COL24A1: variants seen among roughly 807,000 people sequenced by gnomAD.
The protein encoded by COL24A1 is collagen alpha-1(XXIV) chain.
Under a neutral mutation model 253.9 loss-of-function variants are expected in COL24A1, and 224 were observed. The observed-to-expected ratio is 0.88, with a 90% confidence interval of 0.79 to 0.99. The LOEUF (loss-of-function observed/expected upper bound fraction) is 0.99. Among genes scored for constraint, COL24A1 ranks in the 50% least tolerant of loss-of-function variants. The pLI, the probability that COL24A1 is intolerant of heterozygous loss-of-function variation, is 0.00. For synonymous variants in COL24A1, 685 were observed against 673.7 expected, an observed-to-expected ratio of 1.02 and a Z score of -0.26; for missense variants, 2,131 against 2,068.5, an observed-to-expected ratio of 1.03 and a Z score of -0.59.
chr1:86,154,239 AT>A (rs1653180114), intron 1 of COL24A1: 1 of 151,908 alleles, frequency 6.6e-6, no homozygotes, highest in African/African-American at 2.4e-5. Flanking sequence ...TCTAGAAACA[AT>A]TTTTTCAGTC....
At chr1:86,140,071 C>A (rs1372936191) in intron 2 of COL24A1, among the ~76,000 whole-genome samples, 4 of 151,976 alleles carry the variant, frequency 2.6e-5, no homozygotes, top group Admixed American at 6.6e-5. Flanking sequence ...TGGAGTATTC[C>A]CCTTCTTCTA....
In COL24A1 at chr1:85,842,405, A is replaced by G; in HGVS notation, c.3463-12T>C. On this transcript the variant is annotated splice_polypyrimidine_tract_variant and intron_variant, in intron 39 of 59. Transcript: ENST00000370571. ...AATCCTAAATGTCCCTGAAAAACAA[A>G]GTAAATATTAGTGAGAGAGAGAAAG... 1 of 1,547,530 alleles carries G rather than the reference A, an allele frequency of 6.5e-7. No individual in the cohort carries two copies. The highest frequency in any genetic ancestry group is 8.9e-7 in the Non-Finnish European group (1 of 1,128,400).
At chr1:85,896,212 A>G (rs1683696309) in intron 29 of COL24A1, 144 bp downstream of exon 29, 1 of 1,174,324 alleles carries the variant, frequency 8.5e-7, no homozygotes, top group African/African-American at 1.6e-5. Context: ...CCTGTGTAGT[A>G]AAAACTTTAT....
Position 86,057,924 on chromosome 1 carries a change from T to C in COL24A1, c.1851+7A>G. On this transcript the variant is annotated splice_region_variant and intron_variant, in intron 10 of 59. Coordinates refer to ENST00000370571, the MANE Select transcript of COL24A1 (RefSeq NM_152890.7). Reference sequence around the variant, plus strand: ...TGCTTAACAGAATGATGGAAATGCCTACTTACTTGTGCACCTTTAGGACCT... The same window carrying C: ...TGCTTAACAGAATGATGGAAATGCCCACTTACTTGTGCACCTTTAGGACCT... 1.2e-6 allele frequency: 2 copies of C among 1,611,990 alleles called. No homozygotes were observed. The highest frequency in any genetic ancestry group is 1.7e-6 in the Non-Finnish European group (2 of 1,178,922).
At chr1:86,134,233 T>A (rs1649827272) in intron 2 of COL24A1, among the ~76,000 whole-genome samples, 1 of 149,424 alleles carries the variant, frequency 6.7e-6, no homozygotes. Flanking sequence ...ATTTGATTCT[T>A]CTCTGTTTTC....
chr1:86,094,080 G>T (rs1417712819), intron 5 of COL24A1, among the ~76,000 whole-genome samples: 1 of 152,134 alleles, frequency 6.6e-6, no homozygotes, highest in African/African-American at 2.4e-5. Flanking sequence ...AGACAGTGTG[G>T]CAATTCCTCA....
chr1:85,734,530 A>C (rs2100812221), intron 59 of COL24A1, among the ~76,000 whole-genome samples: 1 of 152,322 alleles, frequency 6.6e-6, no homozygotes, highest in South Asian at 2.1e-4. Context: ...TTTGCATGCA[A>C]AAATCTAAGA....
At chr1:85,983,575 T>C (rs1693448012) in intron 20 of COL24A1, among the ~76,000 whole-genome samples, 1 of 151,920 alleles carries the variant, frequency 6.6e-6, no homozygotes, top group South Asian at 2.1e-4. Flanking sequence ...ACAGTGCACA[T>C]GATTTTCTCG....
At chr1:85,804,196 A>C (rs1671719859) in intron 47 of COL24A1, among the ~76,000 whole-genome samples, 1 of 152,208 alleles carries the variant, frequency 6.6e-6, no homozygotes, top group African/African-American at 2.4e-5. Flanking sequence ...GCAAAATACA[A>C]AAATGATGAA....
rs1553243167 is a variant in COL24A1, at chr1:85,960,917, A to ATAAG, written c.2562+331_2562+332insCTTA. The ATAAG allele has an allele frequency of 1.1e-3, 153 of 143,994 alleles. 1 individual carries two copies. The highest frequency in any genetic ancestry group is 4.1e-3 in the African/African-American group (145 of 35,152). 8.9% of individuals were successfully genotyped at this position (143,994 alleles called of 1,614,324 possible). ...AATAAATAAATAAATAAATAAATAA[A>ATAAG]TAAATAAATAAAATAGTGAAAAATG... On this transcript the variant is annotated intron_variant, in intron 24 of 59. Transcript: ENST00000370571.
chr1:85,836,267 G>A (rs1439808037), intron 43 of COL24A1, among the ~76,000 whole-genome samples: 3 of 152,112 alleles, frequency 2.0e-5, no homozygotes, highest in Non-Finnish European at 4.4e-5. Context: ...TTGTTACCAA[G>A]TCCCCAGCCA....
At chr1:86,059,245 A>G (rs933624394) in intron 8 of COL24A1, 71 bp from the exon 9 acceptor site, 4 of 1,084,640 alleles carry the variant, frequency 3.7e-6, no homozygotes, top group East Asian at 2.6e-5. Flanking sequence ...TACAATACAC[A>G]AGCTTGGAAA....
chr1:85,852,144 AT>A (rs940862458), intron 37 of COL24A1, among the ~76,000 whole-genome samples: 65 of 149,140 alleles, frequency 4.4e-4, no homozygotes, highest in Middle Eastern at 3.4e-3. Context: ...GAGGGAGAGT[AT>A]TTTTTTTTTC....
At chr1:86,099,885 T>C (rs186333028) in intron 5 of COL24A1, among the ~76,000 whole-genome samples, 5 of 152,302 alleles carry the variant, frequency 3.3e-5, no homozygotes, top group Admixed American at 3.3e-4. Context: ...CTTAGAACTC[T>C]TCAATGAATA....
intron 2 of COL24A1, among the ~76,000 whole-genome samples, chr1:86,140,278 T>C (rs1650875493): frequency 6.6e-6 from 1 of 152,228 alleles, no homozygotes; most frequent in Admixed American, 6.5e-5. Flanking sequence ...TGGGCTTAAC[T>C]CTAAGATGCT....
intron 20 of COL24A1, among the ~76,000 whole-genome samples, chr1:85,977,176 G>A (rs901240380): frequency 2.0e-5 from 3 of 152,206 alleles, no homozygotes; most frequent in Non-Finnish European, 2.9e-5. Flanking sequence ...AAGGGGGAGA[G>A]CACCACATCA....
At chr1:86,072,597 A>G (rs1468575102) in intron 7 of COL24A1, among the ~76,000 whole-genome samples, 2 of 152,170 alleles carry the variant, frequency 1.3e-5, no homozygotes, top group African/African-American at 4.8e-5. Flanking sequence ...GGCTCAGAAG[A>G]GAGCAACGGA....
intron 20 of COL24A1, among the ~76,000 whole-genome samples, chr1:85,972,169 T>C (rs1692233039): frequency 6.6e-6 from 1 of 152,198 alleles, no homozygotes; most frequent in Non-Finnish European, 1.5e-5. Context: ...TTTAGAATTA[T>C]AGTTTGAATG....
At chr1:86,034,984 A>G (rs966884278) in intron 12 of COL24A1, among the ~76,000 whole-genome samples, 51 of 152,308 alleles carry the variant, frequency 3.3e-4, no homozygotes, top group Non-Finnish European at 6.0e-4. Flanking sequence ...ATCTCTTTAC[A>G]TAGGCAAGTC....
Sources: allele counts gnomAD v4.1 joint callset (sites outside exome capture counted in the v4.1 genomes callset), GRCh38; gene constraint gnomAD v4.1.1; transcripts MANE v1.5; gene names NCBI Gene and HGNC (gene_info 2026-07-23, HGNC 2026-07-21).